The following TPO variants were observed in gnomAD, a reference collection of about 807,000 sequenced individuals.
TPO encodes thyroid microsomal antigen.
Under a neutral mutation model 96.9 loss-of-function variants are expected in TPO, and 78 were observed. That is an observed-to-expected ratio of 0.81 (90% CI 0.67 to 0.97). TPO has a LOEUF of 0.97. Among genes scored for constraint, TPO ranks in the 50% least tolerant of loss-of-function variants. TPO has a pLI of 0.00. For missense variants in TPO, 1,252 were observed against 1,274.8 expected (o/e 0.98, Z 0.27); for synonymous variants, 547 against 538.0 (o/e 1.02, Z -0.23).
intron 5 of TPO, among the ~76,000 whole-genome samples, chr2:1,449,467 A>G (rs1022374583): frequency 1.3e-5 from 2 of 152,166 alleles, no homozygotes; most frequent in African/African-American, 4.8e-5. Flanking sequence ...TTTTGCTGGA[A>G]TGAAGCTCCT....
chr2:1,510,267 G>A (rs1010665413), intron 14 of TPO, among the ~76,000 whole-genome samples: 6 of 152,156 alleles, frequency 3.9e-5, no homozygotes, highest in African/African-American at 1.2e-4. Flanking sequence ...GCTGCTTTCC[G>A]CATTATTATT....
chr2:1,421,652 A>G (rs969979005), intron 2 of TPO, among the ~76,000 whole-genome samples: 1 of 152,230 alleles, frequency 6.6e-6, no homozygotes, highest in Non-Finnish European at 1.5e-5. Flanking sequence ...GAAGGAAATA[A>G]GAGGAAAATA....
intron 8 of TPO, among the ~76,000 whole-genome samples, chr2:1,480,738 T>TCTCCTGCTGCATCCGTCCACACCACCTCC (rs1670496988): frequency 5.3e-5 from 3 of 56,344 alleles, no homozygotes; most frequent in East Asian, 7.3e-4. Flanking sequence ...AAACCATGTT[T>TCTCCTGCTGCATCCGTCCACACCACCTCC]CTCCTGCTGC....
intron 14 of TPO, among the ~76,000 whole-genome samples, chr2:1,515,289 G>A (rs1466274839): frequency 6.6e-6 from 1 of 152,204 alleles, no homozygotes; most frequent in African/African-American, 2.4e-5. Context: ...GATGCAGGAG[G>A]AGCGGCATCC....
chr2:1,404,704 T>C (rs770292254), intron 1 of TPO, among the ~76,000 whole-genome samples: 19 of 152,178 alleles, frequency 1.2e-4, no homozygotes, highest in Non-Finnish European at 1.6e-4. Context: ...GAAACAAATG[T>C]CCGTGGTTTA....
intron 1 of TPO, among the ~76,000 whole-genome samples, chr2:1,400,422 G>T (rs1044271723): frequency 6.6e-6 from 1 of 151,714 alleles, no homozygotes; most frequent in Non-Finnish European, 1.5e-5. Context: ...GAATTTGGGA[G>T]GCAAAGATTG....
chr2:1,436,426 A>G, intron 5 of TPO, 42 bp downstream of exon 5: 1 of 1,613,550 alleles, frequency 6.2e-7, no homozygotes, highest in African/African-American at 1.3e-5. Context: ...TGAAAGTTGG[A>G]TCTGAACATG....
intron 1 of TPO, among the ~76,000 whole-genome samples, chr2:1,383,978 C>A (rs535107604): frequency 6.6e-6 from 1 of 152,300 alleles, no homozygotes; most frequent in East Asian, 1.9e-4. Flanking sequence ...ATAGGGAATA[C>A]TTTCCCCATT....
intron 1 of TPO, among the ~76,000 whole-genome samples, chr2:1,398,369 A>C (rs1006458214): frequency 1.3e-5 from 2 of 152,100 alleles, no homozygotes; most frequent in African/African-American, 4.8e-5. Flanking sequence ...GCACGGCTGG[A>C]AACTTGTGGG....
chr2:1,400,554 G>C (rs888068133), intron 1 of TPO, among the ~76,000 whole-genome samples: 7 of 104,704 alleles, frequency 6.7e-5, no homozygotes, highest in African/African-American at 3.7e-4. Context: ...GGATAAAGAA[G>C]TGAGACTCTG....
At chr2:1,478,501 C>A (rs962853184) in intron 8 of TPO, among the ~76,000 whole-genome samples, 1 of 152,234 alleles carries the variant, frequency 6.6e-6, no homozygotes, top group Non-Finnish European at 1.5e-5. Flanking sequence ...GGGCACCATG[C>A]GCCCCTGCCG....
upstream of TPO, among the ~76,000 whole-genome samples, chr2:1,409,283 A>G (rs765283564): frequency 3.3e-5 from 5 of 152,148 alleles, no homozygotes; most frequent in Non-Finnish European, 7.4e-5. Context: ...AGAGAGCCCC[A>G]TGTTTATTTC....
chr2:1,428,430 G>C (rs1328626523), intron 3 of TPO, among the ~76,000 whole-genome samples: 1 of 152,210 alleles, frequency 6.6e-6, no homozygotes. Context: ...GAGCTACACG[G>C]CAGTTGCAGG....
chr2:1,533,377 C>T (rs1179694941), intron 15 of TPO, among the ~76,000 whole-genome samples: 1 of 133,470 alleles, frequency 7.5e-6, no homozygotes, highest in Admixed American at 8.3e-5. Context: ...TGTGTGCAAC[C>T]TCCTCAAATC....
At position 1,380,869 on chromosome 2, in the gene TPO, G is replaced by A. The variant is rs138801802; in HGVS notation, n.180+6467G>A. ...GCATGGTGGCATCTGCTTCTATGGA[G>A]GCCTCAGGAAGCTTCCAATCCTGGG... On this transcript the variant is annotated intron_variant and non_coding_transcript_variant, in intron 1 of 5. Transcript: ENST00000497517. Among the ~76,000 whole-genome samples, 445 of 152,284 alleles carry A rather than the reference G, an allele frequency of 2.9e-3. 13 individuals are homozygous for A. Among genetic ancestry groups the A allele is most frequent in the Admixed American group, 0.028 (427 of 15,298 alleles).
At chr2:1,480,834 GCGT>G (rs1670559406) in intron 8 of TPO, among the ~76,000 whole-genome samples, 3 of 98,702 alleles carry the variant, frequency 3.0e-5, no homozygotes, top group South Asian at 3.1e-4. Context: ...CCCTGCTGCT[GCGT>G]CTGTCCTCAC....
intron 4 of TPO, among the ~76,000 whole-genome samples, chr2:1,435,161 C>A (rs1274043161): frequency 1.3e-5 from 2 of 152,226 alleles, no homozygotes; most frequent in Non-Finnish European, 2.9e-5. Context: ...TCTCGATCTC[C>A]TGACCTCGTA....
chr2:1,458,516 T>C (rs1668100564), intron 7 of TPO, among the ~76,000 whole-genome samples: 1 of 151,956 alleles, frequency 6.6e-6, no homozygotes, highest in African/African-American at 2.4e-5. Context: ...TGGGCACATG[T>C]GTATATGGCA....
At position 1,512,321 on chromosome 2, in the gene TPO, C is replaced by A. The variant is rs188219084; in HGVS notation, c.2519-4562C>A. 26 of 854,042 alleles carry A rather than the reference C, an allele frequency of 3.0e-5. No individual in the cohort carries two copies. The East Asian group carries it at 2.3e-3, about 77-fold the overall frequency. 52.9% of individuals were successfully genotyped at this position (854,042 alleles called of 1,614,324 possible). A position where few individuals can be genotyped will look rare whatever the true frequency, so the allele number is the denominator to read the frequency against. On this transcript the variant is annotated intron_variant, in intron 14 of 16. Coordinates refer to ENST00000329066, the MANE Select transcript of TPO (RefSeq NM_001206744.2). ...GCCAAATGTGTCTCTAGAGTTGAGA[C>A]GTTCCCTCCCAGTGCTACCTCTTTG... is the stretch of plus-strand genomic sequence containing the variant.
Sources: allele counts gnomAD v4.1 joint callset (sites outside exome capture counted in the v4.1 genomes callset), GRCh38; gene constraint gnomAD v4.1.1; transcripts MANE v1.5; gene names NCBI Gene and HGNC (gene_info 2026-07-23, HGNC 2026-07-21).